The following ITGA2 variants were observed in gnomAD, a reference collection of about 807,000 sequenced individuals.
ITGA2 encodes the protein integrin alpha-2.
Under a neutral mutation model 146.3 loss-of-function variants are expected in ITGA2, and 101 were observed. That is an observed-to-expected ratio of 0.69 (90% CI 0.59 to 0.81). The LOEUF (loss-of-function observed/expected upper bound fraction) is 0.81. ITGA2 is among the 40% of genes least tolerant of loss of function. ITGA2 has a pLI of 0.00. For synonymous variants in ITGA2, 477 were observed against 487.1 expected (o/e 0.98, Z 0.27); for missense variants, 1,281 against 1,402.7 (o/e 0.91, Z 1.39).
chr5:53,055,799 A>G, intron 8 of ITGA2, 111 bp downstream of exon 8: 1 of 1,366,762 alleles, frequency 7.3e-7, no homozygotes, highest in Non-Finnish European at 1.0e-6. Context: ...TGAATATAAA[A>G]GAAAGTTCTT....
intron 1 of ITGA2, among the ~76,000 whole-genome samples, chr5:53,017,220 T>A (rs1018005427): frequency 6.6e-6 from 1 of 152,240 alleles, no homozygotes; most frequent in East Asian, 1.9e-4. Context: ...TGGGCTGATA[T>A]TCCTTCAGTC....
At chr5:53,081,111 A>C (rs890921893) in intron 25 of ITGA2, among the ~76,000 whole-genome samples, 1 of 152,142 alleles carries the variant, frequency 6.6e-6, no homozygotes, top group Non-Finnish European at 1.5e-5. Context: ...TTCTTACACC[A>C]GAGTTTTTCT....
chr5:53,026,192 G>A (rs1397209946), intron 1 of ITGA2, among the ~76,000 whole-genome samples: 5 of 152,116 alleles, frequency 3.3e-5, no homozygotes, highest in Admixed American at 3.3e-4. Flanking sequence ...AAGGAGCTGT[G>A]ATTTTCTATC....
intron 23 of ITGA2, among the ~76,000 whole-genome samples, chr5:53,076,059 G>C (rs2112010857): frequency 6.6e-6 from 1 of 152,090 alleles, no homozygotes; most frequent in African/African-American, 2.4e-5. Context: ...GGTTCTAATA[G>C]GTCGATATCA....
chr5:53,027,425 A>T (rs553652500), intron 2 of ITGA2, among the ~76,000 whole-genome samples: 2 of 152,200 alleles, frequency 1.3e-5, no homozygotes, highest in Non-Finnish European at 2.9e-5. Context: ...TTTTTGCCCC[A>T]AAGTGCTCCC....
At position 53,094,701 on chromosome 5, in the gene ITGA2, C is replaced by T. The variant is rs1165347136; in HGVS notation, c.*4102C>T. On this transcript the variant is annotated 3_prime_UTR_variant, in exon 30 of 30. Transcript: ENST00000296585. ...AGAAAAGTTTCATTATTGTAACCCA[C>T]TTTTTTCATACCACATTATTGAATA... The T allele has an allele frequency of 6.6e-6, 1 of 152,104 alleles. No homozygotes were observed. Among genetic ancestry groups the T allele is most frequent in the Non-Finnish European group, 1.5e-5 (1 of 68,022 alleles). 9.4% of individuals were successfully genotyped at this position (152,104 alleles called of 1,614,324 possible).
At chr5:53,023,160 C>T (rs1742771697) in intron 1 of ITGA2, among the ~76,000 whole-genome samples, 1 of 152,214 alleles carries the variant, frequency 6.6e-6, no homozygotes, top group African/African-American at 2.4e-5. Context: ...TGATAATAGG[C>T]TCCTGGCAAA....
chr5:53,041,442 A>C (rs529839138), intron 2 of ITGA2, among the ~76,000 whole-genome samples: 3 of 152,332 alleles, frequency 2.0e-5, no homozygotes, highest in African/African-American at 7.2e-5. Flanking sequence ...GACAGTTAGC[A>C]TAAAGCCACT....
Position 53,048,779 on chromosome 5 carries a change from A to T in ITGA2, c.630+9A>T. On this transcript the variant is annotated intron_variant, in intron 6 of 29. Transcript: ENST00000296585. The stretch of plus-strand genomic sequence containing the variant: ...GCCCCACAAAGACACAGGTATGGCT[A>T]ACAGAAATGCATAACTAACTTATGG... 1 of 1,613,680 alleles carries T rather than the reference A, an allele frequency of 6.2e-7. No homozygotes were observed. The highest frequency in any genetic ancestry group is 1.3e-5 in the African/African-American group (1 of 75,038).
intron 26 of ITGA2, 30 bp downstream of exon 26, chr5:53,081,726 CCT>C (rs1561153657): frequency 7.0e-7 from 1 of 1,429,058 alleles, no homozygotes; most frequent in Admixed American, 1.7e-5. Context: ...TGAAAGCTCC[CCT>C]CATTCATTTA....
rs763727103 is a variant in ITGA2, at chr5:53,074,362, G to A, written c.2572-23G>A. The A allele has an allele frequency of 8.9e-5, 143 of 1,599,086 alleles. 1 individual carries two copies. In the South Asian group the frequency reaches 1.5e-3, roughly 17 times the overall value. On this transcript the variant is annotated intron_variant, in intron 20 of 29. Transcript: ENST00000296585. ...AAATGTTGTATGCCAATTGATCATT[G>A]TTGTTTCCTTGGTCTTGTTCAGGTT...
intron 1 of ITGA2, among the ~76,000 whole-genome samples, chr5:52,995,616 A>T (rs548961368): frequency 4.4e-4 from 67 of 152,330 alleles, no homozygotes; most frequent in Non-Finnish European, 7.4e-4. Flanking sequence ...TGGAGGAAAA[A>T]GATGATCAGT....
At chr5:53,088,567 T>C (rs906613335) in intron 28 of ITGA2, among the ~76,000 whole-genome samples, 5 of 151,020 alleles carry the variant, frequency 3.3e-5, no homozygotes, top group Admixed American at 6.6e-5. Flanking sequence ...ACGCCTGGAA[T>C]CCCAGCTACT....
At chr5:52,992,829 A>G (rs1651564456) in intron 1 of ITGA2, among the ~76,000 whole-genome samples, 1 of 152,096 alleles carries the variant, frequency 6.6e-6, no homozygotes, top group African/African-American at 2.4e-5. Flanking sequence ...GGCATGTCAT[A>G]AAAAGGTACA....
chr5:53,086,531 T>C (rs1746164482), intron 27 of ITGA2, among the ~76,000 whole-genome samples: 1 of 152,226 alleles, frequency 6.6e-6, no homozygotes, highest in Non-Finnish European at 1.5e-5. Context: ...CAGGTAAGTA[T>C]ACAAAGATGC....
At chr5:53,000,579 C>T (rs899484489) in intron 1 of ITGA2, among the ~76,000 whole-genome samples, 17 of 152,242 alleles carry the variant, frequency 1.1e-4, no homozygotes, top group South Asian at 8.3e-4. Flanking sequence ...TTACTGTTTA[C>T]TAATTTTTGT....
At chr5:53,016,928 G>A (rs1742424901) in intron 1 of ITGA2, among the ~76,000 whole-genome samples, 1 of 152,144 alleles carries the variant, frequency 6.6e-6, no homozygotes, top group Admixed American at 6.5e-5. Flanking sequence ...TATTTCAGCT[G>A]TATCAGATGA....
chr5:53,088,215 T>G (rs1740209024), intron 28 of ITGA2, among the ~76,000 whole-genome samples: 1 of 152,194 alleles, frequency 6.6e-6, no homozygotes, highest in Non-Finnish European at 1.5e-5. Context: ...AGACAATATG[T>G]GAAACTCTAC....
intron 1 of ITGA2, among the ~76,000 whole-genome samples, chr5:53,002,033 TA>T (rs1741608223): frequency 6.6e-6 from 1 of 152,144 alleles, no homozygotes; most frequent in Admixed American, 6.5e-5. Context: ...AGTAGTGTTT[TA>T]GAGTCCCCTT....
Sources: allele counts gnomAD v4.1 joint callset (sites outside exome capture counted in the v4.1 genomes callset), GRCh38; gene constraint gnomAD v4.1.1; transcripts MANE v1.5; gene names NCBI Gene and HGNC (gene_info 2026-07-23, HGNC 2026-07-21).